The following KDM1B variants were observed in gnomAD, a reference collection of about 807,000 sequenced individuals.
KDM1B encodes lysine-specific histone demethylase 2.
In KDM1B, 63 loss-of-function variants were observed where a neutral mutation model predicts 107.4. The ratio of observed to expected loss-of-function variants is 0.59; its 90% CI spans 0.48 to 0.72. The LOEUF (loss-of-function observed/expected upper bound fraction) is 0.72. KDM1B is among the 30% of genes least tolerant of loss of function. The pLI is 0.00. For synonymous variants in KDM1B, 363 were observed against 363.9 expected (o/e 1.00, Z 0.03); for missense variants, 749 against 1,020.8 (o/e 0.73, Z 3.63).
At position 18,223,589 on chromosome 6, in the gene KDM1B, G is replaced by C. The variant is rs1789961841; in HGVS notation, c.*1597G>C. On this transcript the variant is annotated 3_prime_UTR_variant, in exon 22 of 22. Coordinates refer to ENST00000650836, the MANE Select transcript of KDM1B (RefSeq NM_001364614.2). The stretch of plus-strand genomic sequence containing the variant: ...TTATTATGTTAGTTTCCAGGCACTT[G>C]AACTGTGCTACAAGTAGGGGAAAAC... 6.6e-6 allele frequency: 1 copy of C among 152,124 alleles called. No individual in the cohort carries two copies. The allele number at this position is 152,124 out of a possible 1,614,324, so 9.4% of individuals were successfully genotyped here.
Position 18,159,461 on chromosome 6 carries a change from T to C in KDM1B, c.-13-422T>C, listed in dbSNP as rs1057157025. Among the ~76,000 whole-genome samples, 4 of 152,246 alleles carry C rather than the reference T, an allele frequency of 2.6e-5. No individual in the cohort carries two copies. The highest frequency in any genetic ancestry group is 5.9e-5 in the Non-Finnish European group (4 of 68,042). ...ATCTTTTAATGTGCATAACTACTAA[T>C]AGGTAATGTTTATTGAGTACTTACG... is the stretch of plus-strand genomic sequence containing the variant. On this transcript the variant is annotated intron_variant, in intron 2 of 21. Transcript: ENST00000650836. The surrounding 1 kb of genome is among the most constrained non-coding windows in gnomAD (Gnocchi z 4.5).
In KDM1B at chr6:18,159,063, G is replaced by C. The variant is rs1375823630; in HGVS notation, c.-13-820G>C. Among the ~76,000 whole-genome samples, 1 of 152,168 alleles carries C rather than the reference G, an allele frequency of 6.6e-6. No individual in the cohort carries two copies. Among genetic ancestry groups the C allele is most frequent in the East Asian group, 1.9e-4 (1 of 5,202 alleles). ...GCTCACTGCAACCTCCGCCTCCCTG[G>C]TTCAGGCGATTCTCCTGCCCCAGCC... On this transcript the variant is annotated intron_variant, in intron 2 of 21. Transcript: ENST00000650836. This position sits in a 1 kb window ranked among gnomAD's most constrained non-coding sequence, Gnocchi z 4.5.
At chr6:18,184,449 A>G (rs999905362) in intron 7 of KDM1B, among the ~76,000 whole-genome samples, 6 of 151,146 alleles carry the variant, frequency 4.0e-5, no homozygotes, top group African/African-American at 1.5e-4. Context: ...TAATTTTTGT[A>G]TTTTTAGTAG....
In KDM1B at chr6:18,203,638, A is replaced by C. The variant is rs1788186864; in HGVS notation, c.1532-1899A>C. On this transcript the variant is annotated intron_variant, in intron 14 of 21. Transcript: ENST00000650836. This position sits in a 1 kb window ranked among gnomAD's most constrained non-coding sequence, Gnocchi z 5.5. ...GAGGCCAAGGCGGGTGGATCACCTGAGTTCAGGAGTTCGAGACCAGCCTGG... is the reference window on the plus strand; with the variant it reads ...GAGGCCAAGGCGGGTGGATCACCTGCGTTCAGGAGTTCGAGACCAGCCTGG... Among the ~76,000 whole-genome samples, 2 of 152,152 alleles carry C rather than the reference A, an allele frequency of 1.3e-5. No homozygotes were observed. Among genetic ancestry groups the C allele is most frequent in the Non-Finnish European group, 2.9e-5 (2 of 68,032 alleles).
rs9477677 is a variant in KDM1B at position 18,209,458 on chromosome 6, G to A, written c.1866+1252G>A. Among the ~76,000 whole-genome samples, 461 of 152,262 alleles carry A rather than the reference G, an allele frequency of 3.0e-3. 3 individuals carry two copies. Among genetic ancestry groups the A allele is most frequent in the African/African-American group, 0.01 (420 of 41,548 alleles). On this transcript the variant is annotated intron_variant, in intron 17 of 21. Coordinates refer to ENST00000650836, the MANE Select transcript of KDM1B (RefSeq NM_001364614.2). This position sits in a 1 kb window ranked among gnomAD's most constrained non-coding sequence, Gnocchi z 4.3. ...CTAGGGAATGAGTTAGTCGGGGCAG[G>A]GGATCCTAACATTATTCCTGCCATT...
Position 18,214,648 on chromosome 6 carries a change from G to A in KDM1B, c.2110-359G>A, listed in dbSNP as rs1348903341. ...CTCTTGGCCGGGTACAGTGGCTCAC[G>A]CCTGTAATCCCAGCACTTTGGGAGG... On this transcript the variant is annotated intron_variant, in intron 19 of 21. Transcript: ENST00000650836. This position sits in a 1 kb window ranked among gnomAD's most constrained non-coding sequence, Gnocchi z 4.4. 6.6e-6 allele frequency among the ~76,000 whole-genome samples: 1 copy of A among 152,146 alleles called. No individual in the cohort carries two copies. Among genetic ancestry groups the A allele is most frequent in the African/African-American group, 2.4e-5 (1 of 41,446 alleles).
Position 18,213,313 on chromosome 6 carries a change from G to T in KDM1B, c.1984-343G>T, listed in dbSNP as rs111911301. Among the ~76,000 whole-genome samples the T allele has an allele frequency of 0.12, 17,739 of 152,026 alleles. 1,287 individuals carry two copies. The highest frequency in any genetic ancestry group is 0.17 in the Non-Finnish European group (11,599 of 67,956). ...TCGCTGGGCGTGGTGGTGTGCACCT[G>T]TAATCCCAGCTACTTGGGATGCTGA... is the stretch of plus-strand genomic sequence containing the variant. On this transcript the variant is annotated intron_variant, in intron 18 of 21. Transcript: ENST00000650836. The surrounding 1 kb of genome is among the most constrained non-coding windows in gnomAD (Gnocchi z 5.9).
At chr6:18,163,444 A>G (rs1785097719) in intron 5 of KDM1B, among the ~76,000 whole-genome samples, 3 of 152,028 alleles carry the variant, frequency 2.0e-5, no homozygotes, top group Admixed American at 2.0e-4. Flanking sequence ...TTTGTGCTCT[A>G]ATTTTTATTT....
rs1789985176 is a variant in KDM1B, at chr6:18,223,852, G to A, written c.*1860G>A. ...CTAATAAAAAACTAGACTTTCACAT[G>A]TACTCTGTACTGTAGTGGTGATACA... On this transcript the variant is annotated 3_prime_UTR_variant, in exon 22 of 22. Transcript: ENST00000650836. 1 of 152,138 alleles carries A rather than the reference G, an allele frequency of 6.6e-6. No homozygotes were observed. Among genetic ancestry groups the A allele is most frequent in the Admixed American group, 6.5e-5 (1 of 15,268 alleles). The allele number at this position is 152,138 out of a possible 1,614,324, so 9.4% of individuals were successfully genotyped here.
chr6:18,194,686 A>G (rs1340289527), intron 10 of KDM1B, among the ~76,000 whole-genome samples: 2 of 151,710 alleles, frequency 1.3e-5, no homozygotes, highest in African/African-American at 2.4e-5. Flanking sequence ...TTAAATGGAG[A>G]CAAGGTCTTG....
intron 6 of KDM1B, among the ~76,000 whole-genome samples, chr6:18,168,487 A>G (rs1943708300): frequency 6.6e-6 from 1 of 152,190 alleles, no homozygotes; most frequent in Admixed American, 6.5e-5. Flanking sequence ...TGGATATGCC[A>G]CAGTTTTTTT....
chr6:18,156,777 C>T lies in KDM1B; in HGVS notation c.-14+851C>T, dbSNP rs560005744. On this transcript the variant is annotated intron_variant, in intron 2 of 21. Transcript: ENST00000650836. ...ACTAAAAATACAAAAATTAGCCGGA[C>T]GTGGTGGCACACACCTGTAATCCCA... 1.1e-4 allele frequency among the ~76,000 whole-genome samples: 16 copies of T among 152,080 alleles called. No individual in the cohort carries two copies. In the East Asian group the frequency reaches 2.7e-3, roughly 26 times the overall value.
intron 7 of KDM1B, among the ~76,000 whole-genome samples, chr6:18,185,391 T>C (rs1414500685): frequency 6.6e-6 from 1 of 152,108 alleles, no homozygotes; most frequent in Non-Finnish European, 1.5e-5. Flanking sequence ...AACCTCCACT[T>C]TCCGGGTCCC....
chr6:18,195,965 C>T (rs767897058), intron 10 of KDM1B, among the ~76,000 whole-genome samples: 12 of 152,038 alleles, frequency 7.9e-5, no homozygotes, highest in Non-Finnish European at 7.4e-5. Context: ...AATTTTTTAT[C>T]CTTTGACCAA....
chr6:18,157,696 A>G (rs1740889997), intron 2 of KDM1B, among the ~76,000 whole-genome samples: 1 of 151,448 alleles, frequency 6.6e-6, no homozygotes, highest in African/African-American at 2.4e-5. Flanking sequence ...ATTTATGTAT[A>G]TAATAATTAA....
chr6:18,221,680 T>G (rs546220617), intron 21 of KDM1B, among the ~76,000 whole-genome samples: 1 of 152,318 alleles, frequency 6.6e-6, no homozygotes, highest in South Asian at 2.1e-4. Context: ...TACTTAGTAT[T>G]TTAAAGAGTG....
At chr6:18,185,180 A>T (rs563298874) in intron 7 of KDM1B, among the ~76,000 whole-genome samples, 11 of 152,168 alleles carry the variant, frequency 7.2e-5, no homozygotes, top group African/African-American at 2.7e-4. Context: ...CTAAAAGATA[A>T]TGTCAAATGA....
chr6:18,221,865 TCAAC>T (rs759258349), intron 21 of KDM1B, 40 bp from the exon 22 acceptor site: 1 of 1,424,200 alleles, frequency 7.0e-7, no homozygotes, highest in East Asian at 2.3e-5. Flanking sequence ...TGATATCAAC[TCAAC>T]TCTATGCATG....
rs148102851 is a variant in KDM1B at position 18,202,249 on chromosome 6, G to GAC, written c.1531+592_1531+593insAC. 2.8e-3 allele frequency among the ~76,000 whole-genome samples: 422 copies of GAC among 151,186 alleles called. 4 individuals carry two copies. The highest frequency in any genetic ancestry group is 9.7e-3 in the African/African-American group (395 of 40,922). ...CCTTGTGTCTACAAAAAAAAAGGGC[G>GAC]GGGGGCAAGCATGGTGGTGTGTGTC... On this transcript the variant is annotated intron_variant, in intron 14 of 21. Transcript: ENST00000650836.
Sources: gnomAD v4.1 joint callset for allele counts (sites outside exome capture counted in the v4.1 genomes callset) on GRCh38, gnomAD v4.1.1 for gene constraint, Gnocchi (gnomAD v3.1) non-coding constraint, MANE v1.5 for transcripts, NCBI Gene and HGNC (gene_info 2026-07-23, HGNC 2026-07-21) for gene names.